Variants in CPNE8 observed in about 807,000 individuals in gnomAD.
The protein encoded by CPNE8 is copine 8.
Under a neutral mutation model 81.5 loss-of-function variants are expected in CPNE8, and 45 were observed. The ratio of observed to expected loss-of-function variants is 0.55; its 90% confidence interval spans 0.44 to 0.71. CPNE8 has a LOEUF of 0.71. Ranked by LOEUF, CPNE8 falls within the 30% of genes least tolerant of loss-of-function variation. The pLI is 0.00. For missense variants in CPNE8, 594 were observed against 672.1 expected (o/e 0.88, Z 1.28); for synonymous variants, 252 against 226.3 (o/e 1.11, Z -1.02).
At chr12:38,696,343 T>C (rs1397820819) in intron 14 of CPNE8, among the ~76,000 whole-genome samples, 1 of 151,712 alleles carries the variant, frequency 6.6e-6, no homozygotes, top group African/African-American at 2.4e-5. Context: ...TCTTTTCTCT[T>C]ATACTGTTAT....
At chr12:38,859,061 C>T (rs2137076538) in intron 3 of CPNE8, among the ~76,000 whole-genome samples, 1 of 152,190 alleles carries the variant, frequency 6.6e-6, no homozygotes, top group South Asian at 2.1e-4. Flanking sequence ...ACAATTCTCA[C>T]CACTTCTAAT....
At chr12:38,805,672 A>T (rs1264197324) in intron 6 of CPNE8, among the ~76,000 whole-genome samples, 2 of 37,696 alleles carry the variant, frequency 5.3e-5, no homozygotes, top group South Asian at 1.8e-3. Context: ...AAAAAAAAAA[A>T]ACATTAAAAA....
chr12:38,811,932 A>G (rs997082029), intron 6 of CPNE8, among the ~76,000 whole-genome samples: 1 of 152,220 alleles, frequency 6.6e-6, no homozygotes, highest in Non-Finnish European at 1.5e-5. Context: ...GTGAGGTCAC[A>G]AAGTTGAAGA....
At chr12:38,717,380 AACCAACC>A (rs1940421564) in intron 13 of CPNE8, among the ~76,000 whole-genome samples, 1 of 141,812 alleles carries the variant, frequency 7.1e-6, no homozygotes, top group Admixed American at 7.3e-5. Context: ...AAATACATGT[AACCAACC>A]TATGTGCCCA....
intron 3 of CPNE8, among the ~76,000 whole-genome samples, chr12:38,852,428 C>CA (rs138401295): frequency 0.072 from 5,431 of 75,024 alleles, 582 homozygotes; most frequent in African/African-American, 0.23. Flanking sequence ...AGCTCTGTCT[C>CA]AAAAAAAAAA....
intron 10 of CPNE8, among the ~76,000 whole-genome samples, chr12:38,735,111 G>A (rs1378785516): frequency 6.6e-6 from 1 of 151,974 alleles, no homozygotes; most frequent in Non-Finnish European, 1.5e-5. Context: ...TTTTCTCATG[G>A]GGAACAACAC....
At chr12:38,798,534 G>C (rs1942564617) in intron 6 of CPNE8, among the ~76,000 whole-genome samples, 1 of 151,856 alleles carries the variant, frequency 6.6e-6, no homozygotes, top group Non-Finnish European at 1.5e-5. Flanking sequence ...TGCCCTAAAA[G>C]AGCTCCTGAA....
At chr12:38,809,354 C>T (rs1942888195) in intron 6 of CPNE8, among the ~76,000 whole-genome samples, 1 of 152,164 alleles carries the variant, frequency 6.6e-6, no homozygotes, top group Non-Finnish European at 1.5e-5. Flanking sequence ...GGTTGAGTGC[C>T]TCTCACTCTA....
intron 1 of CPNE8, among the ~76,000 whole-genome samples, chr12:38,900,949 C>T (rs1944453324): frequency 6.6e-6 from 1 of 152,118 alleles, no homozygotes; most frequent in Non-Finnish European, 1.5e-5. Flanking sequence ...GCCAGGGGGG[C>T]AGTGGCTCAG....
intron 10 of CPNE8, among the ~76,000 whole-genome samples, chr12:38,745,909 C>A (rs1357325780): frequency 1.3e-5 from 2 of 152,022 alleles, no homozygotes; most frequent in Non-Finnish European, 2.9e-5. Context: ...TGAGTCAGGC[C>A]GACCTGGAGA....
At chr12:38,750,357 C>T (rs989189393) in intron 10 of CPNE8, among the ~76,000 whole-genome samples, 1 of 152,160 alleles carries the variant, frequency 6.6e-6, no homozygotes, top group Admixed American at 6.5e-5. Flanking sequence ...GAGAAGAGGG[C>T]CATGGTCCTC....
At chr12:38,803,753 G>C (rs1356184686) in intron 6 of CPNE8, among the ~76,000 whole-genome samples, 1 of 142,588 alleles carries the variant, frequency 7.0e-6, no homozygotes. Context: ...TGTTTATCTA[G>C]AAAACCCCAA....
At chr12:38,825,678 C>T (rs1049596932) in intron 6 of CPNE8, among the ~76,000 whole-genome samples, 5 of 152,194 alleles carry the variant, frequency 3.3e-5, no homozygotes, top group Admixed American at 2.6e-4. Flanking sequence ...CCTTGTTCTT[C>T]AATCCACATG....
At chr12:38,802,743 A>G (rs1942706424) in intron 6 of CPNE8, among the ~76,000 whole-genome samples, 1 of 150,724 alleles carries the variant, frequency 6.6e-6, no homozygotes, top group Admixed American at 6.6e-5. Flanking sequence ...GGATCAACAA[A>G]ATTGATAGAC....
At chr12:38,787,370 T>C (rs564625361) in intron 6 of CPNE8, among the ~76,000 whole-genome samples, 1 of 150,578 alleles carries the variant, frequency 6.6e-6, no homozygotes, top group Non-Finnish European at 1.5e-5. Context: ...GGGTCAGAAA[T>C]TAAGAAGAAA....
intron 6 of CPNE8, among the ~76,000 whole-genome samples, chr12:38,819,162 C>T (rs1943074453): frequency 6.6e-6 from 1 of 152,114 alleles, no homozygotes; most frequent in African/African-American, 2.4e-5. Context: ...TCAATTTTGA[C>T]ATTTGTTGCA....
intron 13 of CPNE8, among the ~76,000 whole-genome samples, chr12:38,720,357 A>T (rs1264100554): frequency 6.6e-6 from 1 of 152,228 alleles, no homozygotes; most frequent in South Asian, 2.1e-4. Context: ...GAGAGCAAAC[A>T]ATAAATGTGA....
chr12:38,712,374 T>A (rs564023125), intron 13 of CPNE8, among the ~76,000 whole-genome samples: 3 of 152,074 alleles, frequency 2.0e-5, no homozygotes, highest in South Asian at 4.2e-4. Context: ...CACACCCAAC[T>A]ATTATATTTT....
At chr12:38,905,309 T>G in intron 1 of CPNE8, 128 bp downstream of exon 1, 6 of 1,065,792 alleles carry the variant, frequency 5.6e-6, no homozygotes, top group Non-Finnish European at 8.1e-6. Context: ...GCCCCACTAC[T>G]GAGATATTTC....
Sources: allele counts gnomAD v4.1 joint callset (sites outside exome capture counted in the v4.1 genomes callset), GRCh38; gene constraint gnomAD v4.1.1; transcripts MANE v1.5; gene names NCBI Gene and HGNC (gene_info 2026-07-23, HGNC 2026-07-21).